UBE3C: variants seen among roughly 807,000 people sequenced by gnomAD.
UBE3C encodes the protein ubiquitin-protein ligase E3C.
A neutral mutation model predicts 129.4 loss-of-function variants in UBE3C; 42 were observed. The ratio of observed to expected loss-of-function variants is 0.32; its 90% CI spans 0.25 to 0.42. UBE3C has a LOEUF of 0.42. Ranked by LOEUF, UBE3C falls within the 10% of genes least tolerant of loss-of-function variation. The pLI is 1.00. For missense variants in UBE3C, 1,049 were observed against 1,319.1 expected (o/e 0.80, Z 3.17); for synonymous variants, 510 against 492.4 (o/e 1.04, Z -0.47).
At position 157,161,006 on chromosome 7, in the gene UBE3C, C is replaced by G. The variant is rs183985181; in HGVS notation, c.67-2804C>G. Among the ~76,000 whole-genome samples, 290 of 152,162 alleles carry G rather than the reference C, an allele frequency of 1.9e-3. 1 individual carries two copies. Among genetic ancestry groups the G allele is most frequent in the African/African-American group, 6.3e-3 (262 of 41,512 alleles). ...AAAAACCCAAATTGAGGGACAGCAT[C>G]CAGGACATGAAAGATGAAGATAAGA... On this transcript the variant is annotated intron_variant, in intron 1 of 22. Coordinates refer to ENST00000348165, the MANE Select transcript of UBE3C (RefSeq NM_014671.3).
chr7:157,216,296 CT>C (rs1795567125), intron 13 of UBE3C, among the ~76,000 whole-genome samples: 1 of 151,400 alleles, frequency 6.6e-6, no homozygotes, highest in Non-Finnish European at 1.5e-5. Context: ...AATTGCACCA[CT>C]TAGAGGTATC....
At chr7:157,197,589 T>C in intron 10 of UBE3C, 1 of 1,579,810 alleles carries the variant, frequency 6.3e-7, no homozygotes, top group Admixed American at 1.7e-5. Flanking sequence ...ACTGCATGGA[T>C]AGGAACAATA....
chr7:157,250,730 C>CG (rs373663046), intron 19 of UBE3C, among the ~76,000 whole-genome samples: 26 of 152,136 alleles, frequency 1.7e-4, no homozygotes, highest in Admixed American at 1.0e-3. Context: ...GATAATTTGG[C>CG]GGGGGGGCTG....
intron 4 of UBE3C, among the ~76,000 whole-genome samples, chr7:157,174,558 TC>T (rs1808463882): frequency 6.6e-6 from 1 of 152,100 alleles, no homozygotes; most frequent in Non-Finnish European, 1.5e-5. Context: ...GTTCAAGTGA[TC>T]CTCCCATCTC....
chr7:157,190,329 T>C (rs900729541), intron 10 of UBE3C, among the ~76,000 whole-genome samples: 2 of 150,328 alleles, frequency 1.3e-5, no homozygotes, highest in African/African-American at 5.0e-5. Context: ...CTCCTCTTTC[T>C]GTCCCTGTTT....
In UBE3C at chr7:157,183,880, G is replaced by T; in HGVS notation, c.994G>T (p.Ala332Ser). The part of the protein sequence containing the change: ...VLTVGENYLG[A>S]LSEEGLLVYL... ...TTTTAACTGATTGTTTTGCAAAGGG[G>T]CCCTCTCTGAGGAAGGGCTGCTGGT... The change falls in exon 9 of 23, where the codon GCC becomes TCC. Residue 332 changes from alanine to serine, a missense_variant and splice_region_variant. This residue lies in a region of UBE3C where 489 missense variants were observed against 513.8 expected (regional missense o/e 0.95). Transcript: ENST00000348165. The T allele has an allele frequency of 6.2e-7, 1 of 1,612,146 alleles. No homozygotes were observed. The highest frequency in any genetic ancestry group is 1.3e-5 in the African/African-American group (1 of 74,948).
At chr7:157,244,206 C>T (rs1796417708) in intron 18 of UBE3C, among the ~76,000 whole-genome samples, 1 of 152,056 alleles carries the variant, frequency 6.6e-6, no homozygotes, top group Non-Finnish European at 1.5e-5. Flanking sequence ...TGCGCTCCAG[C>T]CTGGGCGATA....
intron 11 of UBE3C, among the ~76,000 whole-genome samples, chr7:157,206,573 C>CTT (rs200947822): frequency 1.4e-5 from 2 of 146,224 alleles, no homozygotes; most frequent in Admixed American, 6.9e-5. Context: ...TTTTTCTTTT[C>CTT]TTTTTTTTTT....
chr7:157,145,526 A>G (rs1807581727), intron 1 of UBE3C, among the ~76,000 whole-genome samples: 1 of 152,158 alleles, frequency 6.6e-6, no homozygotes, highest in South Asian at 2.1e-4. Flanking sequence ...TAAAAAAGAA[A>G]AAAGGAAGAA....
intron 7 of UBE3C, 151 bp from the exon 8 acceptor site, chr7:157,181,957 G>A (rs565127590): frequency 2.3e-6 from 2 of 858,640 alleles, no homozygotes; most frequent in African/African-American, 1.7e-5. Context: ...TTTACTTTAG[G>A]TTGATCTAGT....
intron 13 of UBE3C, among the ~76,000 whole-genome samples, chr7:157,212,069 A>T (rs1294627368): frequency 6.6e-6 from 1 of 152,228 alleles, no homozygotes; most frequent in Admixed American, 6.5e-5. Flanking sequence ...GTAAAAATCC[A>T]TTCTCATTTG....
chr7:157,203,317 A>G lies in UBE3C; in HGVS notation c.1418+1510A>G, dbSNP rs546248497. 3.3e-5 allele frequency among the ~76,000 whole-genome samples: 5 copies of G among 152,340 alleles called. No homozygotes were observed. In the East Asian group the frequency reaches 7.7e-4, roughly 23 times the overall value. On this transcript the variant is annotated intron_variant, in intron 11 of 22. Coordinates refer to ENST00000348165, the MANE Select transcript of UBE3C (RefSeq NM_014671.3). ...ACAGTGGGTGGCTAAAGCAGAGACA[A>G]AAGACTCCTACAATGATTTACTGTC...
chr7:157,260,343 C>T (rs1271224367), intron 22 of UBE3C, among the ~76,000 whole-genome samples: 1 of 152,176 alleles, frequency 6.6e-6, no homozygotes, highest in Non-Finnish European at 1.5e-5. Flanking sequence ...CACACCTAAA[C>T]GGAGTGACCC....
Position 157,257,053 on chromosome 7 carries a change from C to T in UBE3C, c.3081+9C>T. On this transcript the variant is annotated intron_variant, in intron 22 of 22. Transcript: ENST00000348165. Reference sequence around the variant, plus strand: ...CTCTCTTGGGGTTTAAGGTACACAACTTTCATGACATTTGCTTTAAAGACC... The same window carrying T: ...CTCTCTTGGGGTTTAAGGTACACAATTTTCATGACATTTGCTTTAAAGACC... 1 of 1,613,900 alleles carries T rather than the reference C, an allele frequency of 6.2e-7. No homozygotes were observed. The highest frequency in any genetic ancestry group is 8.5e-7 in the Non-Finnish European group (1 of 1,179,904).
chr7:157,171,706 T>A lies in UBE3C; in HGVS notation c.342+1256T>A, dbSNP rs1327571432. Among the ~76,000 whole-genome samples, 375 of 41,584 alleles carry A rather than the reference T, an allele frequency of 9.0e-3. 14 individuals carry two copies. Among genetic ancestry groups the A allele is most frequent in the African/African-American group, 0.025 (186 of 7,346 alleles). The allele number at this position is 41,584 out of a possible 152,430, so 27.3% of individuals were successfully genotyped here. ...TATATATTTTTTTTTTTTTTTTTTT[T>A]TTTTTTTTTTTTTTTTTTGAGACAG... On this transcript the variant is annotated intron_variant, in intron 4 of 22. Coordinates refer to ENST00000348165, the MANE Select transcript of UBE3C (RefSeq NM_014671.3).
intron 4 of UBE3C, among the ~76,000 whole-genome samples, chr7:157,171,678 ATATATATATTTTTTTTTTTTTTTTTT>A (rs1187629714): frequency 3.1e-4 from 10 of 32,162 alleles, no homozygotes; most frequent in Non-Finnish European, 4.5e-4. Context: ...ATATATATAT[ATATATATATTTTTTTTTTTTTTTTTT>A]TTTTTTTTTT....
At chr7:157,192,973 C>G in intron 10 of UBE3C, 1 of 590,372 alleles carries the variant, frequency 1.7e-6, no homozygotes, top group South Asian at 2.1e-5. Context: ...TTTTTTGAAT[C>G]TGTAAATCTT....
At position 157,256,818 on chromosome 7, in the gene UBE3C, G is replaced by A. The variant is rs968181666; in HGVS notation, c.2951-96G>A. 14 of 1,512,394 alleles carry A rather than the reference G, an allele frequency of 9.3e-6. No homozygotes were observed. In the African/African-American group the frequency reaches 1.7e-4, roughly 18 times the overall value. The allele number at this position is 1,512,394 out of a possible 1,614,324, so 93.7% of individuals were successfully genotyped here. ...TAGAGAAGGGACTTGAGGATCCATG[G>A]ACTTTAGTTTCCGTGGGTGTCTGGA... On this transcript the variant is annotated intron_variant, in intron 21 of 22. Transcript: ENST00000348165.
intron 19 of UBE3C, among the ~76,000 whole-genome samples, chr7:157,252,782 G>A (rs1233373697): frequency 1.3e-5 from 2 of 152,216 alleles, no homozygotes; most frequent in Admixed American, 1.3e-4. Flanking sequence ...AGAAAAGAAT[G>A]GAAAGGTAGG....
Sources: gnomAD v4.1 joint callset for allele counts (sites outside exome capture counted in the v4.1 genomes callset) on GRCh38, gnomAD v4.1.1 for gene constraint, gnomAD v4.1.1 regional missense constraint, MANE v1.5 for transcripts, NCBI Gene and HGNC (gene_info 2026-07-23, HGNC 2026-07-21) for gene names.